The following NFKBIL1 variants were observed in gnomAD, a reference collection of about 807,000 sequenced individuals.
The protein encoded by NFKBIL1 is NFKB inhibitor like 1.
A neutral mutation model predicts 45.4 loss-of-function variants in NFKBIL1; 30 were observed. The ratio of observed to expected loss-of-function variants is 0.66; its 90% CI spans 0.49 to 0.90. NFKBIL1 has a LOEUF of 0.90. Among genes scored for constraint, NFKBIL1 ranks in the 40% least tolerant of loss-of-function variants. The pLI, the probability that NFKBIL1 is intolerant of heterozygous loss-of-function variation, is 0.00. For missense variants in NFKBIL1, 434 were observed against 513.4 expected, an observed-to-expected ratio of 0.85 and a Z score of 1.49; for synonymous variants, 179 against 197.3, an observed-to-expected ratio of 0.91 and a Z score of 0.78.
intron 2 of NFKBIL1, among the ~76,000 whole-genome samples, chr6:31,552,694 T>TC (rs1769498261): frequency 7.2e-6 from 1 of 137,948 alleles, no homozygotes; most frequent in Non-Finnish European, 1.6e-5. Context: ...TCTTTTTTTT[T>TC]TTTTTTTTTT....
chr6:31,551,068 C>T (rs1000800943), intron 2 of NFKBIL1, among the ~76,000 whole-genome samples: 8 of 152,112 alleles, frequency 5.3e-5, no homozygotes, highest in African/African-American at 1.9e-4. Flanking sequence ...ATTCTGTCTC[C>T]CAGCCTGGAG....
chr6:31,556,696 G>C (rs1562454731), intron 2 of NFKBIL1: 1 of 457,144 alleles, frequency 2.2e-6, no homozygotes, highest in African/African-American at 2.0e-5. Context: ...CCCTGCCCTA[G>C]GTCAGCAGTC....
At chr6:31,553,951 G>A (rs999155136) in intron 2 of NFKBIL1, among the ~76,000 whole-genome samples, 5 of 151,740 alleles carry the variant, frequency 3.3e-5, no homozygotes, top group African/African-American at 9.7e-5. Flanking sequence ...ATGAGCCACC[G>A]CGCCTGGCCG....
rs1359667217 is a variant in NFKBIL1 at position 31,558,309 on chromosome 6, A to G, written c.844A>G (p.Arg282Gly). The G allele has an allele frequency of 6.3e-7, 1 of 1,579,502 alleles. No individual in the cohort carries two copies. The highest frequency in any genetic ancestry group is 8.6e-7 in the Non-Finnish European group (1 of 1,162,264). ...REPKPTRAGPREEHPRGAGRG... is the reference protein window; with the variant it reads ...REPKPTRAGPGEEHPRGAGRG... Reference sequence around the variant, plus strand: ...ACCCAAGCCAACCAGGGCCGGGCCCAGGGAAGAGCACCCCAGAGGAGCGGG... The same window carrying G: ...ACCCAAGCCAACCAGGGCCGGGCCCGGGGAAGAGCACCCCAGAGGAGCGGG... The change falls in exon 4 of 4, where the codon AGG becomes GGG. Residue 282 changes from arginine to glycine, a missense_variant. Physicochemically the swap from Arg to Gly is moderately radical, Grantham distance 125. Transcript: ENST00000376148. The surrounding 1 kb of genome is among the most constrained non-coding windows in gnomAD (Gnocchi z 7.2).
chr6:31,557,805 G>C lies in NFKBIL1; in HGVS notation c.512G>C (p.Gly171Ala), dbSNP rs745683230. Residue 171 changes from glycine (G) to alanine (A), a missense_variant, in exon 3 of 4, where the codon GGT becomes GCT. Physicochemically the swap from Gly to Ala is moderately conservative, Grantham distance 60. Coordinates refer to ENST00000376148, the MANE Select transcript of NFKBIL1 (RefSeq NM_005007.4). This position sits in a 1 kb window ranked among gnomAD's most constrained non-coding sequence, Gnocchi z 5.4. The part of the protein sequence containing the change: ...KEREWRQKLQ[G>A]ELEDEWQEVM... ...CGGGAATGGAGACAGAAGCTCCAGG[G>C]TGAGCTGGAGGACGAGTGGCAGGAA... The C allele has an allele frequency of 5.0e-6, 8 of 1,609,542 alleles. No individual in the cohort carries two copies. The South Asian group carries it at 8.8e-5, about 18-fold the overall frequency.
rs1252512254 is a variant in NFKBIL1, at chr6:31,557,557, A to T, written c.335-71A>T. 2 of 1,281,608 alleles carry T rather than the reference A, an allele frequency of 1.6e-6. No homozygotes were observed. Among genetic ancestry groups the T allele is most frequent in the Non-Finnish European group, 2.1e-6 (2 of 942,260 alleles). 79.4% of individuals were successfully genotyped at this position (1,281,608 alleles called of 1,614,324 possible). A position where few individuals can be genotyped will look rare whatever the true frequency, so the allele number is the denominator to read the frequency against. ...ACCAAGGGAGCGAGTGACCAGCAGG[A>T]TTCAAGATGGCAGCTCTGCCGAGGA... is the stretch of plus-strand genomic sequence containing the variant. On this transcript the variant is annotated intron_variant, in intron 2 of 3. Coordinates refer to ENST00000376148, the MANE Select transcript of NFKBIL1 (RefSeq NM_005007.4). The surrounding 1 kb of genome is among the most constrained non-coding windows in gnomAD (Gnocchi z 5.4).
At position 31,548,438 on chromosome 6, in the gene NFKBIL1, T is replaced by C. The variant is rs1191418276; in HGVS notation, c.333T>C (p.Asp111=). 2 of 1,502,818 alleles carry C rather than the reference T, an allele frequency of 1.3e-6. No individual in the cohort carries two copies. Among genetic ancestry groups the C allele is most frequent in the African/African-American group, 2.8e-5 (2 of 71,738 alleles). 93.1% of individuals were successfully genotyped at this position (1,502,818 alleles called of 1,614,324 possible). ...ALHAAARQGP[D]AYTDFFLPLL... ...ATGCTGCTGCCCGCCAGGGCCCAGA[T>C]GGTGAGTCTGCTCAGTGGGGAACAA... The change falls in exon 2 of 4, where the codon GAT becomes GAC. Residue 111 remains aspartate, a splice_region_variant and synonymous_variant. Coordinates refer to ENST00000376148, the MANE Select transcript of NFKBIL1 (RefSeq NM_005007.4).
At position 31,557,319 on chromosome 6, in the gene NFKBIL1, A is replaced by G. The variant is rs1769799788; in HGVS notation, c.335-309A>G. Among the ~76,000 whole-genome samples, 1 of 152,130 alleles carries G rather than the reference A, an allele frequency of 6.6e-6. No homozygotes were observed. The highest frequency in any genetic ancestry group is 1.5e-5 in the Non-Finnish European group (1 of 68,022). On this transcript the variant is annotated intron_variant, in intron 2 of 3. Transcript: ENST00000376148. This position sits in a 1 kb window ranked among gnomAD's most constrained non-coding sequence, Gnocchi z 5.4. ...GAGATGGGATTTCACCATGTTAGCCAGGATGGTCTTGATCTCCTGACCTCG... is the reference window on the plus strand; with the variant it reads ...GAGATGGGATTTCACCATGTTAGCCGGGATGGTCTTGATCTCCTGACCTCG...
intron 2 of NFKBIL1, among the ~76,000 whole-genome samples, chr6:31,549,412 C>T (rs915632771): frequency 6.6e-6 from 1 of 150,902 alleles, no homozygotes; most frequent in South Asian, 2.1e-4. Flanking sequence ...CCACCACGCC[C>T]AGCTAATTTT....
intron 2 of NFKBIL1, among the ~76,000 whole-genome samples, chr6:31,554,140 C>T (rs1281497896): frequency 6.6e-6 from 1 of 152,110 alleles, no homozygotes; most frequent in African/African-American, 2.4e-5. Flanking sequence ...GGTGCGATAG[C>T]TCACACCTGT....
intron 2 of NFKBIL1, among the ~76,000 whole-genome samples, chr6:31,552,572 C>T (rs191342980): frequency 3.9e-4 from 60 of 152,184 alleles, no homozygotes; most frequent in African/African-American, 1.4e-3. Flanking sequence ...CAGGCGTGAG[C>T]CACAGCGCCT....
In NFKBIL1 at chr6:31,558,003, A is replaced by AAACCC; in HGVS notation, c.557-19_557-18insAACCC. The AAACCC allele has an allele frequency of 3.6e-6, 2 of 551,452 alleles. No individual in the cohort carries two copies. Among genetic ancestry groups the AAACCC allele is most frequent in the Non-Finnish European group, 6.3e-6 (2 of 315,740 alleles). The allele number at this position is 551,452 out of a possible 1,614,324, so 34.2% of individuals were successfully genotyped here. ...TCACAGCCTCTCTCCAACTACCCCC[A>AAACCC]TCCCACCCTCCCAAACAGGTGATGC... is the stretch of plus-strand genomic sequence containing the variant. On this transcript the variant is annotated intron_variant, in intron 3 of 3. Coordinates refer to ENST00000376148, the MANE Select transcript of NFKBIL1 (RefSeq NM_005007.4). The surrounding 1 kb of genome is among the most constrained non-coding windows in gnomAD (Gnocchi z 7.2).
chr6:31,552,773 C>T (rs577234693), intron 2 of NFKBIL1, among the ~76,000 whole-genome samples: 2 of 128,886 alleles, frequency 1.6e-5, no homozygotes, highest in Admixed American at 9.6e-5. Context: ...AGTGTGATCT[C>T]GGCTCACTGC....
At chr6:31,548,033 G>A (rs1769184446) in intron 1 of NFKBIL1, 130 bp from the exon 2 acceptor site, 3 of 1,263,702 alleles carry the variant, frequency 2.4e-6, no homozygotes, top group Non-Finnish European at 3.3e-6. Context: ...GTTAGGTTAG[G>A]CCTCATCTCT....
chr6:31,556,235 C>A (rs555878613), intron 2 of NFKBIL1, among the ~76,000 whole-genome samples: 2 of 152,196 alleles, frequency 1.3e-5, no homozygotes, highest in African/African-American at 4.8e-5. Flanking sequence ...GTGCCCCCCC[C>A]CACCAACCCT....
chr6:31,558,653 G>C lies in NFKBIL1; in HGVS notation c.*42G>C, dbSNP rs1769925663. ...AGAAACTTCGGGGCTGCAGCCTCAG[G>C]ATGAGGCAGAAGGAAGGGTAAGGGA... On this transcript the variant is annotated 3_prime_UTR_variant, in exon 4 of 4. Transcript: ENST00000376148. The surrounding 1 kb of genome is among the most constrained non-coding windows in gnomAD (Gnocchi z 7.2). 6.8e-7 allele frequency: 1 copy of C among 1,477,036 alleles called. No individual in the cohort carries two copies. Among genetic ancestry groups the C allele is most frequent in the South Asian group, 1.3e-5 (1 of 79,474 alleles). The allele number at this position is 1,477,036 out of a possible 1,614,324, so 91.5% of individuals were successfully genotyped here.
intron 2 of NFKBIL1, among the ~76,000 whole-genome samples, chr6:31,552,482 T>C (rs1418379111): frequency 1.3e-5 from 2 of 151,280 alleles, no homozygotes; most frequent in Non-Finnish European, 2.9e-5. Flanking sequence ...AGACACGGGG[T>C]TTCACCATGT....
chr6:31,555,854 A>G (rs993132308), intron 2 of NFKBIL1, among the ~76,000 whole-genome samples: 1 of 149,328 alleles, frequency 6.7e-6, no homozygotes, highest in Non-Finnish European at 1.5e-5. Flanking sequence ...GGTTTTCACC[A>G]TCTTGGCCAG....
chr6:31,547,731 G>A lies in NFKBIL1; in HGVS notation c.37G>A (p.Ala13Thr), dbSNP rs1171309189. 1.2e-6 allele frequency: 2 copies of A among 1,612,074 alleles called. No individual in the cohort carries two copies. The highest frequency in any genetic ancestry group is 1.3e-5 in the African/African-American group (1 of 74,882). ...NPSPQVPEEE[A>T]STSVCRPKSS... ...CTCCCCCCAGGTTCCAGAGGAAGAA[G>A]CCTCCACATCTGTCTGCCGGGTACA... Residue 13 changes from alanine (A) to threonine (T), a missense_variant, in exon 1 of 4, where the codon GCC (alanine) becomes ACC (threonine). Ala to Thr is a moderately conservative substitution (Grantham distance 58, BLOSUM62 0). Around this residue, in one of 4 missense-constraint regions of NFKBIL1, gnomAD observed 231 missense variants for 264.1 expected, o/e 0.87. Transcript: ENST00000376148.
Sources: gnomAD v4.1 joint callset for allele counts (sites outside exome capture counted in the v4.1 genomes callset) on GRCh38, gnomAD v4.1.1 for gene constraint, gnomAD v4.1.1 regional missense constraint, Gnocchi (gnomAD v3.1) non-coding constraint, MANE v1.5 for transcripts, NCBI Gene and HGNC (gene_info 2026-07-23, HGNC 2026-07-21) for gene names.